Variants in GDPD1 observed in about 807,000 individuals in gnomAD.
The protein encoded by GDPD1 is lysophospholipase D GDPD1.
Under a neutral mutation model 45.1 loss-of-function variants are expected in GDPD1, and 28 were observed. That is an observed-to-expected ratio of 0.62 (90% CI 0.46 to 0.85). The LOEUF is 0.85. Ranked by LOEUF, GDPD1 falls within the 40% of genes least tolerant of loss-of-function variation. The pLI, the probability that GDPD1 is intolerant of heterozygous loss-of-function variation, is 0.00. For missense variants in GDPD1, 256 were observed against 364.8 expected, an observed-to-expected ratio of 0.70 and a Z score of 2.43; for synonymous variants, 139 against 131.4, an observed-to-expected ratio of 1.06 and a Z score of -0.40.
At chr17:59,262,961 A>G (rs574626077) in intron 6 of GDPD1, among the ~76,000 whole-genome samples, 8 of 152,130 alleles carry the variant, frequency 5.3e-5, no homozygotes, top group Non-Finnish European at 1.0e-4. Context: ...TAGTGGTTAC[A>G]TGAATCTATA....
intron 6 of GDPD1, among the ~76,000 whole-genome samples, chr17:59,261,095 A>G (rs1331851713): frequency 3.9e-5 from 6 of 152,152 alleles, no homozygotes; most frequent in African/African-American, 1.4e-4. Flanking sequence ...ACTCCCGACT[A>G]GCTGGGATTG....
intron 6 of GDPD1, among the ~76,000 whole-genome samples, chr17:59,262,806 T>G (rs1421606834): frequency 6.6e-6 from 1 of 152,026 alleles, no homozygotes; most frequent in African/African-American, 2.4e-5. Context: ...TTTTGTATTT[T>G]TAGTAGAGAT....
Position 59,249,895 on chromosome 17 carries a change from A to G in GDPD1, c.367+1110A>G, listed in dbSNP as rs562280076. ...AACTGCTCCGTGAACTAGATTTTAAATTGGCCAAGCCAGGTGTGGTGACGT... is the reference window on the plus strand; with the variant it reads ...AACTGCTCCGTGAACTAGATTTTAAGTTGGCCAAGCCAGGTGTGGTGACGT... On this transcript the variant is annotated intron_variant, in intron 4 of 9. Coordinates refer to ENST00000284116, the MANE Select transcript of GDPD1 (RefSeq NM_182569.4). Among the ~76,000 whole-genome samples, 43 of 152,260 alleles carry G rather than the reference A, an allele frequency of 2.8e-4. 1 individual carries two copies. The South Asian group carries it at 8.7e-3, about 31-fold the overall frequency.
rs535244918 is a variant in GDPD1 at position 59,252,633 on chromosome 17, T to C, written c.367+3848T>C. 5.3e-5 allele frequency among the ~76,000 whole-genome samples: 8 copies of C among 151,832 alleles called. No homozygotes were observed. The East Asian group carries it at 1.6e-3, about 30-fold the overall frequency. On this transcript the variant is annotated intron_variant, in intron 4 of 9. Transcript: ENST00000284116. Reference sequence around the variant, plus strand: ...GAATCACTTGAACCCGGGAGGCAGATGTTGCAGTGAGCAGAGATCGTGCCA... The same window carrying C: ...GAATCACTTGAACCCGGGAGGCAGACGTTGCAGTGAGCAGAGATCGTGCCA...
intron 1 of GDPD1, among the ~76,000 whole-genome samples, chr17:59,230,370 AT>A (rs942416287): frequency 0.038 from 3,015 of 79,920 alleles, 42 homozygotes; most frequent in African/African-American, 0.075. Flanking sequence ...CAGTTGTAGA[AT>A]TTTTTTTTTT....
At chr17:59,273,297 T>G (rs2047457442) in intron 9 of GDPD1, among the ~76,000 whole-genome samples, 1 of 151,998 alleles carries the variant, frequency 6.6e-6, no homozygotes, top group Non-Finnish European at 1.5e-5. Context: ...CTGGCTAATT[T>G]TTGTATTTTT....
chr17:59,275,587 A>G lies in GDPD1; in HGVS notation c.*1814A>G, dbSNP rs931028851. ...GATTTTAAATACCATCTTGAATCCTAATAATTAAACTGATGAAAGTGCATA... is the reference window on the plus strand; with the variant it reads ...GATTTTAAATACCATCTTGAATCCTGATAATTAAACTGATGAAAGTGCATA... On this transcript the variant is annotated 3_prime_UTR_variant, in exon 10 of 10. Transcript: ENST00000284116. 1.2e-5 allele frequency: 2 copies of G among 171,146 alleles called. No individual in the cohort carries two copies. The highest frequency in any genetic ancestry group is 1.2e-4 in the Admixed American group (2 of 17,072). 10.6% of individuals were successfully genotyped at this position (171,146 alleles called of 1,614,324 possible).
intron 2 of GDPD1, among the ~76,000 whole-genome samples, chr17:59,236,928 G>A (rs1821508986): frequency 6.6e-6 from 1 of 151,992 alleles, no homozygotes; most frequent in Admixed American, 6.6e-5. Context: ...TAGTGGTGGT[G>A]GTTTGTGTAT....
At chr17:59,228,409 G>A (rs374724756) in intron 1 of GDPD1, among the ~76,000 whole-genome samples, 135 of 152,166 alleles carry the variant, frequency 8.9e-4, no homozygotes, top group African/African-American at 3.2e-3. Context: ...CATGGGAATG[G>A]GAGGAGAGAA....
chr17:59,248,599 G>A, intron 3 of GDPD1, 141 bp from the exon 4 acceptor site: 1 of 570,980 alleles, frequency 1.8e-6, no homozygotes. Context: ...TTGCTGTTGG[G>A]GATGTTCTGC....
intron 7 of GDPD1, among the ~76,000 whole-genome samples, chr17:59,270,389 G>T (rs141508567): frequency 4.6e-5 from 7 of 151,636 alleles, no homozygotes; most frequent in Admixed American, 6.6e-5. Context: ...AGACGGGGGG[G>T]GGTTTCACTA....
intron 9 of GDPD1, among the ~76,000 whole-genome samples, 192 bp from the exon 10 acceptor site, chr17:59,273,458 AT>A (rs915731780): frequency 2.0e-5 from 3 of 151,666 alleles, no homozygotes; most frequent in East Asian, 1.9e-4. Context: ...AGCACCATGA[AT>A]TTTTTTTTAA....
intron 2 of GDPD1, among the ~76,000 whole-genome samples, chr17:59,240,197 A>T (rs1345066701): frequency 2.0e-5 from 3 of 152,018 alleles, no homozygotes; most frequent in African/African-American, 7.2e-5. Flanking sequence ...AGGCTGAGGC[A>T]GGAGTATCGC....
In GDPD1 at chr17:59,220,622, G is replaced by A; in HGVS notation, c.13G>A (p.Ala5Thr). 1 of 1,613,772 alleles carries A rather than the reference G, an allele frequency of 6.2e-7. No homozygotes were observed. Among genetic ancestry groups the A allele is most frequent in the Non-Finnish European group, 8.5e-7 (1 of 1,179,846 alleles). Reference protein sequence around the residue: MSSTAAFYLLSTLGG... With the variant: MSSTTAFYLLSTLGG... ...CACGGTGACTGAGATGTCGTCCACTGCGGCTTTTTACCTTCTCTCTACGCT... is the reference window on the plus strand; with the variant it reads ...CACGGTGACTGAGATGTCGTCCACTACGGCTTTTTACCTTCTCTCTACGCT... Residue 5 changes from alanine to threonine, a missense_variant, in exon 1 of 10, where the codon GCG becomes ACG. Transcript: ENST00000284116.
At chr17:59,251,450 C>A (rs2047252983) in intron 4 of GDPD1, among the ~76,000 whole-genome samples, 1 of 150,566 alleles carries the variant, frequency 6.6e-6, no homozygotes, top group Non-Finnish European at 1.5e-5. Flanking sequence ...ACCTGGGAGG[C>A]AGAGGTTGCA....
chr17:59,246,108 ACT>A (rs749734980), intron 3 of GDPD1, among the ~76,000 whole-genome samples: 5 of 150,840 alleles, frequency 3.3e-5, no homozygotes, highest in Non-Finnish European at 5.9e-5. Flanking sequence ...CAAGAGTGAG[ACT>A]CTGTCTCAAA....
chr17:59,260,520 C>A (rs1332378311), intron 6 of GDPD1, among the ~76,000 whole-genome samples: 3 of 150,716 alleles, frequency 2.0e-5, no homozygotes, highest in Admixed American at 6.6e-5. Context: ...CCAGCCTGGG[C>A]AAGAGACCGA....
chr17:59,247,748 GC>G (rs1250297244), intron 3 of GDPD1, among the ~76,000 whole-genome samples: 2 of 151,652 alleles, frequency 1.3e-5, no homozygotes, highest in Non-Finnish European at 2.9e-5. Flanking sequence ...TCCTGCCTCA[GC>G]CCCCCCAAAT....
chr17:59,244,848 TA>T (rs371893504), intron 2 of GDPD1, among the ~76,000 whole-genome samples: 134 of 150,848 alleles, frequency 8.9e-4, no homozygotes, highest in African/African-American at 3.2e-3. Context: ...ATAAAAAAAT[TA>T]GCTGGGCACA....
Sources: gnomAD v4.1 joint callset for allele counts (sites outside exome capture counted in the v4.1 genomes callset) on GRCh38, gnomAD v4.1.1 for gene constraint, MANE v1.5 for transcripts, NCBI Gene and HGNC (gene_info 2026-07-23, HGNC 2026-07-21) for gene names.